Variants in MAN2A1 observed in about 807,000 individuals in gnomAD.
MAN2A1 encodes the protein alpha-mannosidase 2.
A neutral mutation model predicts 142.6 loss-of-function variants in MAN2A1; 76 were observed. That is an observed-to-expected ratio of 0.53 (90% CI 0.44 to 0.65). MAN2A1 has a LOEUF of 0.65. MAN2A1 is among the 30% of genes least tolerant of loss of function. MAN2A1 has a pLI of 0.00. For missense variants in MAN2A1, 1,311 were observed against 1,365.1 expected, an observed-to-expected ratio of 0.96 and a Z score of 0.62; for synonymous variants, 559 against 473.2, an observed-to-expected ratio of 1.18 and a Z score of -2.35.
intron 4 of MAN2A1, 120 bp from the exon 5 acceptor site, chr5:109,755,209 A>G (rs1395872699): frequency 2.8e-6 from 2 of 719,040 alleles, no homozygotes; most frequent in Non-Finnish European, 4.6e-6. Context: ...ACATTTTTTG[A>G]CAACTAGTAT....
intron 4 of MAN2A1, among the ~76,000 whole-genome samples, chr5:109,748,583 A>G (rs563896111): frequency 2.0e-5 from 3 of 152,234 alleles, no homozygotes; most frequent in South Asian, 4.1e-4. Context: ...AATGTTATGG[A>G]AGAAAAGTTA....
At chr5:109,807,076 A>G (rs954524260) in intron 12 of MAN2A1, among the ~76,000 whole-genome samples, 5 of 152,080 alleles carry the variant, frequency 3.3e-5, no homozygotes, top group Admixed American at 6.5e-5. Context: ...CATATTTGTT[A>G]CTTAACCAGC....
At chr5:109,789,331 C>G (rs1029623435) in intron 11 of MAN2A1, 129 bp from the exon 12 acceptor site, 1 of 575,032 alleles carries the variant, frequency 1.7e-6, no homozygotes, top group Non-Finnish European at 3.0e-6. Flanking sequence ...ATTAGAAACC[C>G]CTTGATATTT....
At chr5:109,715,189 A>G (rs184587505) in intron 2 of MAN2A1, among the ~76,000 whole-genome samples, 1 of 152,074 alleles carries the variant, frequency 6.6e-6, no homozygotes, top group Admixed American at 6.5e-5. Flanking sequence ...CTTATCCTTG[A>G]GAAGATTTTA....
chr5:109,718,293 C>A (rs902533292), intron 3 of MAN2A1, among the ~76,000 whole-genome samples: 1 of 152,088 alleles, frequency 6.6e-6, no homozygotes, highest in African/African-American at 2.4e-5. Flanking sequence ...TATTCTTTTC[C>A]TTTTTCTGCA....
At chr5:109,709,173 A>AG (rs11449665) in intron 1 of MAN2A1, among the ~76,000 whole-genome samples, 112,378 of 152,092 alleles carry the variant, frequency 0.74, 42,583 homozygotes, top group East Asian at 0.93. Flanking sequence ...GTGGAAGCAC[A>AG]GAGTTTGACT....
chr5:109,855,353 C>T lies in MAN2A1; in HGVS notation c.3171+19C>T, dbSNP rs758027253. 1.0e-5 allele frequency: 15 copies of T among 1,458,162 alleles called. No homozygotes were observed. Among genetic ancestry groups the T allele is most frequent in the Non-Finnish European group, 1.2e-5 (13 of 1,098,880 alleles). 90.3% of individuals were successfully genotyped at this position (1,458,162 alleles called of 1,614,324 possible). On this transcript the variant is annotated intron_variant, in intron 20 of 21. Transcript: ENST00000261483. ...GTCAAAGGTATGTCTCAAAATATAT[C>T]TTATAAAAAATTACTGTTTATTATG...
intron 3 of MAN2A1, among the ~76,000 whole-genome samples, chr5:109,725,994 TC>T (rs1378833872): frequency 2.6e-5 from 4 of 152,234 alleles, no homozygotes; most frequent in Non-Finnish European, 5.9e-5. Flanking sequence ...TTTAAATATT[TC>T]CCCACTTATT....
intron 15 of MAN2A1, 119 bp from the exon 16 acceptor site, chr5:109,823,604 A>G: frequency 1.6e-6 from 1 of 609,580 alleles, no homozygotes; most frequent in Non-Finnish European, 2.9e-6. Flanking sequence ...TCTGGTTTAC[A>G]CTTAAAATTG....
At chr5:109,781,254 G>A in intron 8 of MAN2A1, 142 bp from the exon 9 acceptor site, 1 of 525,248 alleles carries the variant, frequency 1.9e-6, no homozygotes, top group Non-Finnish European at 3.2e-6. Flanking sequence ...CCCTGCTTCT[G>A]ATTTTTATAA....
At chr5:109,716,756 A>G (rs938190635) in intron 3 of MAN2A1, among the ~76,000 whole-genome samples, 10 of 152,290 alleles carry the variant, frequency 6.6e-5, no homozygotes, top group Non-Finnish European at 1.2e-4. Flanking sequence ...TCAGTGTTAG[A>G]TGACTTTAGG....
intron 12 of MAN2A1, among the ~76,000 whole-genome samples, chr5:109,811,844 G>C (rs985665511): frequency 2.0e-5 from 3 of 152,034 alleles, no homozygotes; most frequent in Admixed American, 6.6e-5. Context: ...TTAGCCATAA[G>C]CCATGTGGTT....
chr5:109,855,386 T>G (rs1755582336), intron 20 of MAN2A1, 52 bp downstream of exon 20: 3 of 1,190,344 alleles, frequency 2.5e-6, no homozygotes, highest in Non-Finnish European at 3.4e-6. Context: ...ATGTACTTGT[T>G]TTAAGGGGGT....
chr5:109,692,529 G>T (rs1318119541), intron 1 of MAN2A1, among the ~76,000 whole-genome samples: 1 of 152,126 alleles, frequency 6.6e-6, no homozygotes, highest in Non-Finnish European at 1.5e-5. Flanking sequence ...AACTTAAGTG[G>T]CGAGGGGACT....
chr5:109,703,428 G>A (rs1184919742), intron 1 of MAN2A1, among the ~76,000 whole-genome samples: 1 of 152,174 alleles, frequency 6.6e-6, no homozygotes, highest in Admixed American at 6.5e-5. Flanking sequence ...TATATGATGT[G>A]TTAACAACAT....
intron 1 of MAN2A1, among the ~76,000 whole-genome samples, chr5:109,691,695 C>T (rs1333877624): frequency 6.6e-6 from 1 of 152,136 alleles, no homozygotes; most frequent in Non-Finnish European, 1.5e-5. Flanking sequence ...TGGATGCTGT[C>T]ATCAATACAG....
chr5:109,720,098 C>T (rs1751559768), intron 3 of MAN2A1, among the ~76,000 whole-genome samples: 1 of 152,046 alleles, frequency 6.6e-6, no homozygotes, highest in Non-Finnish European at 1.5e-5. Context: ...TCTTTGCTTC[C>T]CACTAGTTAA....
At chr5:109,777,013 G>T (rs1459280318) in intron 8 of MAN2A1, among the ~76,000 whole-genome samples, 1 of 151,980 alleles carries the variant, frequency 6.6e-6, no homozygotes, top group East Asian at 1.9e-4. Flanking sequence ...TTGGGTATTT[G>T]GGATTGTTCC....
chr5:109,749,278 G>C (rs1336716007), intron 4 of MAN2A1, among the ~76,000 whole-genome samples: 1 of 152,100 alleles, frequency 6.6e-6, no homozygotes, highest in East Asian at 1.9e-4. Flanking sequence ...CTACATAGGG[G>C]AAAAAGTGAC....
Sources: allele counts gnomAD v4.1 joint callset (sites outside exome capture counted in the v4.1 genomes callset), GRCh38; gene constraint gnomAD v4.1.1; transcripts MANE v1.5; gene names NCBI Gene and HGNC (gene_info 2026-07-23, HGNC 2026-07-21).